PPP4R3B: variants seen among roughly 807,000 people sequenced by gnomAD.
PPP4R3B encodes the protein serine/threonine-protein phosphatase 4 regulatory subunit 3B.
A neutral mutation model predicts 95.4 loss-of-function variants in PPP4R3B; 52 were observed. The observed-to-expected ratio is 0.54, with a 90% CI of 0.44 to 0.69. The LOEUF (loss-of-function observed/expected upper bound fraction) is 0.69. Among genes scored for constraint, PPP4R3B ranks in the 30% least tolerant of loss-of-function variants. The pLI is 0.00. For synonymous variants in PPP4R3B, 407 were observed against 343.9 expected, an observed-to-expected ratio of 1.18 and a Z score of -2.03; for missense variants, 1,003 against 1,005.9, an observed-to-expected ratio of 1.00 and a Z score of 0.04.
intron 1 of PPP4R3B, among the ~76,000 whole-genome samples, chr2:55,615,857 C>A (rs1337071213): frequency 5.1e-5 from 2 of 39,066 alleles, no homozygotes; most frequent in South Asian, 1.3e-3. Flanking sequence ...ACTCTGTCTC[C>A]AAAAAAAAAA....
intron 15 of PPP4R3B, among the ~76,000 whole-genome samples, chr2:55,562,764 C>T (rs780736552): frequency 2.0e-5 from 3 of 152,182 alleles, no homozygotes; most frequent in Admixed American, 6.5e-5. Flanking sequence ...TAGAACTCTA[C>T]ATTGTGGTAT....
intron 4 of PPP4R3B, among the ~76,000 whole-genome samples, chr2:55,594,302 T>TAA (rs35730010): frequency 8.1e-6 from 1 of 123,552 alleles, no homozygotes; most frequent in African/African-American, 3.1e-5. Context: ...GAATCTAAAA[T>TAA]AAAAAAAAAA....
chr2:55,599,091 A>C, intron 3 of PPP4R3B, 52 bp from the exon 4 acceptor site: 1 of 1,467,262 alleles, frequency 6.8e-7, no homozygotes, highest in African/African-American at 1.4e-5. Context: ...AAATAATTCA[A>C]AATTTTGGAA....
At chr2:55,598,298 A>G in intron 4 of PPP4R3B, 118 bp downstream of exon 4, 2 of 1,002,102 alleles carry the variant, frequency 2.0e-6, no homozygotes, top group Non-Finnish European at 2.9e-6. Flanking sequence ...AATGTACTTA[A>G]TAGTACATTT....
intron 12 of PPP4R3B, 65 bp downstream of exon 12, chr2:55,573,554 T>G: frequency 7.1e-7 from 1 of 1,406,444 alleles, no homozygotes; most frequent in Non-Finnish European, 9.6e-7. Flanking sequence ...ATAAATAACT[T>G]CAAATGGGTA....
intron 6 of PPP4R3B, among the ~76,000 whole-genome samples, chr2:55,586,397 C>T (rs534846962): frequency 1.2e-4 from 18 of 152,076 alleles, no homozygotes; most frequent in East Asian, 5.8e-4. Flanking sequence ...CTTGCAAAAA[C>T]GTGGGGTTTT....
chr2:55,602,246 TTC>T (rs1692721258), intron 3 of PPP4R3B, among the ~76,000 whole-genome samples: 1 of 152,220 alleles, frequency 6.6e-6, no homozygotes. Context: ...CTGATATTAT[TTC>T]TCTGTCTGTG....
chr2:55,551,753 A>AAAATAAAT lies in PPP4R3B; in HGVS notation c.2455-1755_2455-1748dup, dbSNP rs34049444. On this transcript the variant is annotated intron_variant, in intron 16 of 16. Transcript: ENST00000616407. The stretch of plus-strand genomic sequence containing the variant: ...GCAACAAGAGCAAGACTCCATCTCA[A>AAAATAAAT]AAATAAATAAATAAATAAATAAATA... 6.9e-4 allele frequency among the ~76,000 whole-genome samples: 105 copies of AAAATAAAT among 151,270 alleles called. 1 individual carries two copies. The highest frequency in any genetic ancestry group is 3.4e-3 in the Middle Eastern group (1 of 292).
chr2:55,577,603 A>C (rs1167977273), intron 10 of PPP4R3B, among the ~76,000 whole-genome samples: 3 of 152,166 alleles, frequency 2.0e-5, no homozygotes, highest in Non-Finnish European at 4.4e-5. Flanking sequence ...TAAGATTACA[A>C]CCAGAGATAA....
At chr2:55,581,881 G>C (rs1451249857) in intron 7 of PPP4R3B, among the ~76,000 whole-genome samples, 183 bp from the exon 8 acceptor site, 1 of 149,906 alleles carries the variant, frequency 6.7e-6, no homozygotes, top group East Asian at 2.0e-4. Context: ...ACACACTAGA[G>C]TGAAAAAAAA....
chr2:55,567,162 C>T (rs1371604688), intron 13 of PPP4R3B, among the ~76,000 whole-genome samples: 1 of 152,162 alleles, frequency 6.6e-6, no homozygotes, highest in Non-Finnish European at 1.5e-5. Flanking sequence ...ACATAGACTG[C>T]CCTCCAGATT....
intron 4 of PPP4R3B, among the ~76,000 whole-genome samples, chr2:55,596,230 G>C (rs1691758706): frequency 6.6e-6 from 1 of 152,148 alleles, no homozygotes; most frequent in Non-Finnish European, 1.5e-5. Flanking sequence ...CACGCTCTTT[G>C]AGGCCGAAGC....
intron 13 of PPP4R3B, 58 bp downstream of exon 13, chr2:55,568,136 C>T: frequency 8.5e-7 from 1 of 1,173,718 alleles, no homozygotes. Context: ...AATTCTTTTA[C>T]ATAAAAAATT....
chr2:55,611,532 G>C (rs566233558), intron 2 of PPP4R3B, among the ~76,000 whole-genome samples: 134 of 152,328 alleles, frequency 8.8e-4, no homozygotes, highest in Middle Eastern at 3.4e-3. Flanking sequence ...AAGGAAGAAA[G>C]TGATGTGAAT....
chr2:55,587,321 C>T (rs968467849), intron 5 of PPP4R3B, among the ~76,000 whole-genome samples: 3 of 152,232 alleles, frequency 2.0e-5, no homozygotes, highest in Non-Finnish European at 4.4e-5. Flanking sequence ...CAGTGGCTCA[C>T]GCCTGTAATC....
At chr2:55,589,642 G>A (rs971814794) in intron 4 of PPP4R3B, among the ~76,000 whole-genome samples, 1 of 152,100 alleles carries the variant, frequency 6.6e-6, no homozygotes, top group Non-Finnish European at 1.5e-5. Context: ...GTGGCCAGGC[G>A]CGGTGGCTCA....
At chr2:55,573,909 GAC>G in intron 11 of PPP4R3B, 132 bp from the exon 12 acceptor site, 1 of 462,628 alleles carries the variant, frequency 2.2e-6, no homozygotes, top group Non-Finnish European at 3.2e-6. Context: ...TTTTTTTTGA[GAC>G]AAAGTCTCAC....
At chr2:55,557,212 G>C (rs1010457808) in intron 16 of PPP4R3B, among the ~76,000 whole-genome samples, 1 of 152,138 alleles carries the variant, frequency 6.6e-6, no homozygotes, top group African/African-American at 2.4e-5. Flanking sequence ...ATTCTTTTTT[G>C]AGCAGGGTCT....
At chr2:55,597,549 G>C (rs1461041258) in intron 4 of PPP4R3B, among the ~76,000 whole-genome samples, 1 of 152,188 alleles carries the variant, frequency 6.6e-6, no homozygotes, top group African/African-American at 2.4e-5. Context: ...GTGAACCCGG[G>C]AGGCGGAGCT....
Sources: gnomAD v4.1 joint callset for allele counts (sites outside exome capture counted in the v4.1 genomes callset) on GRCh38, gnomAD v4.1.1 for gene constraint, MANE v1.5 for transcripts, NCBI Gene and HGNC (gene_info 2026-07-23, HGNC 2026-07-21) for gene names.